Variants in CIAO3 observed in about 807,000 individuals in gnomAD.
The protein encoded by CIAO3 is cytosolic iron-sulfur assembly component 3.
Under a neutral mutation model 51.5 loss-of-function variants are expected in CIAO3, and 45 were observed. That is an observed-to-expected ratio of 0.87 (90% CI 0.69 to 1.12). The LOEUF (loss-of-function observed/expected upper bound fraction) is 1.12. CIAO3 is among the 50% of genes most tolerant of loss of function. The pLI is 0.00. For missense variants in CIAO3, 668 were observed against 632.5 expected, an observed-to-expected ratio of 1.06 and a Z score of -0.60; for synonymous variants, 314 against 269.3, an observed-to-expected ratio of 1.17 and a Z score of -1.63.
At chr16:738,881 C>T (rs943223403) in intron 2 of CIAO3, among the ~76,000 whole-genome samples, 6 of 143,694 alleles carry the variant, frequency 4.2e-5, no homozygotes, top group South Asian at 2.2e-4. Context: ...TCAGGTGATC[C>T]GCCCCCCCTA....
intron 8 of CIAO3, chr16:732,098 G>T: frequency 4.8e-6 from 3 of 619,258 alleles, no homozygotes; most frequent in African/African-American, 1.8e-5. Context: ...AGCTGGTCTC[G>T]AACTCCTGAC....
At chr16:734,150 C>T in intron 6 of CIAO3, 79 bp downstream of exon 6, 6 of 1,264,842 alleles carry the variant, frequency 4.7e-6, no homozygotes, top group Non-Finnish European at 6.9e-6. Flanking sequence ...CTGTTTCCTG[C>T]AGCCTCATGG....
At chr16:735,265 G>A (rs2041326419) in intron 4 of CIAO3, 1 of 199,912 alleles carries the variant, frequency 5.0e-6, no homozygotes, top group Non-Finnish European at 1.0e-5. Context: ...CTCGGACCCT[G>A]ACTGTGCAGA....
rs1427366328 is a variant in CIAO3 at position 737,097 on chromosome 16, CCA to C, written c.306+87_306+88del. ...GCCACCCGCACGACGGACGTCGGCA[CCA>C]CACGAGCTGCCCTTGGCAAAACGCG... is the stretch of plus-strand genomic sequence containing the variant. On this transcript the variant is annotated intron_variant, in intron 3 of 10. Transcript: ENST00000251588. The surrounding 1 kb of genome is among the most constrained non-coding windows in gnomAD (Gnocchi z 5.3). The C allele has an allele frequency of 5.7e-6, 9 of 1,568,016 alleles. No individual in the cohort carries two copies. The highest frequency in any genetic ancestry group is 7.0e-6 in the Non-Finnish European group (8 of 1,142,808).
chr16:731,755 C>A, intron 8 of CIAO3, 53 bp from the exon 9 acceptor site: 1 of 1,489,896 alleles, frequency 6.7e-7, no homozygotes, highest in Non-Finnish European at 8.9e-7. Context: ...CTGCCAACCT[C>A]CCGAGCAGGG....
At chr16:738,351 T>C in intron 2 of CIAO3, 1 of 657,674 alleles carries the variant, frequency 1.5e-6, no homozygotes, top group Non-Finnish European at 1.9e-6. Context: ...AATAGTTTCT[T>C]TTTTTTTTTT....
At chr16:734,160 G>T in intron 6 of CIAO3, 69 bp downstream of exon 6, 1 of 1,370,356 alleles carries the variant, frequency 7.3e-7, no homozygotes, top group Non-Finnish European at 1.0e-6. Flanking sequence ...CAGCCTCATG[G>T]CAAGAGGCCA....
intron 7 of CIAO3, 128 bp downstream of exon 7, chr16:733,170 G>A (rs1226508637): frequency 4.1e-6 from 5 of 1,212,390 alleles, no homozygotes; most frequent in Non-Finnish European, 5.7e-6. Flanking sequence ...GTACGTGCAC[G>A]CATGCGAGCC....
At chr16:731,521 G>C in intron 9 of CIAO3, 44 bp downstream of exon 9, 1 of 1,512,046 alleles carries the variant, frequency 6.6e-7, no homozygotes, top group Non-Finnish European at 8.9e-7. Flanking sequence ...AAGGCTGGGG[G>C]CTGTGTGGCC....
chr16:736,359 C>T lies in CIAO3; in HGVS notation c.346G>A (p.Val116Ile). Residue 116 changes from valine (V) to isoleucine (I), a missense_variant, in exon 4 of 11, where the codon GTC becomes ATC. Physicochemically the swap from Val to Ile is conservative, Grantham distance 29. Transcript: ENST00000251588. The stretch of plus-strand genomic sequence containing the variant: ...AGCGATGCTCTAGACTGTGGTGAGA[C>T]CGAAACTACAACCAGCCTCTGCTGA... ...PSQQRLVVVS[V>I]SPQSRASLAA... The T allele has an allele frequency of 6.2e-7, 1 of 1,612,990 alleles. No individual in the cohort carries two copies. The highest frequency in any genetic ancestry group is 1.3e-5 in the African/African-American group (1 of 75,010).
chr16:739,710 T>G lies in CIAO3; in HGVS notation c.95A>C (p.Lys32Thr). Residue 32 changes from lysine (K) to threonine (T), a missense_variant, in exon 2 of 11, where the codon AAA becomes ACA. Lys to Thr is a moderately conservative substitution (Grantham distance 78, BLOSUM62 -1). Coordinates refer to ENST00000251588, the MANE Select transcript of CIAO3 (RefSeq NM_022493.3). ...CTTGGCCACGCCACTTCCCGCCCTT[T>G]TTTCCACTTTGACAGGCTTGATGCA... is the stretch of plus-strand genomic sequence containing the variant. ...QECIKPVKVE[K>T]RAGSGVAKIR... is the part of the protein sequence containing the mutation. 6.2e-7 allele frequency: 1 copy of G among 1,614,076 alleles called. No individual in the cohort carries two copies. Among genetic ancestry groups the G allele is most frequent in the Admixed American group, 1.7e-5 (1 of 60,008 alleles).
intron 1 of CIAO3, chr16:740,664 C>T (rs1423006670): frequency 1.1e-5 from 6 of 531,922 alleles, no homozygotes; most frequent in East Asian, 3.5e-5. Flanking sequence ...TCCCACGCAG[C>T]CCGCCCGGAC....
intron 6 of CIAO3, 171 bp from the exon 7 acceptor site, chr16:733,598 G>C: frequency 1.0e-6 from 1 of 955,030 alleles, no homozygotes; most frequent in Non-Finnish European, 1.5e-6. Context: ...TGGACAGGAC[G>C]GGCCCTGGCT....
In CIAO3 at chr16:737,805, A is replaced by G; in HGVS notation, c.163-476T>C. The G allele has an allele frequency of 2.5e-6, 3 of 1,198,790 alleles. No homozygotes were observed. The highest frequency in any genetic ancestry group is 3.2e-6 in the Non-Finnish European group (3 of 945,774). 74.3% of individuals were successfully genotyped at this position (1,198,790 alleles called of 1,614,324 possible). On this transcript the variant is annotated intron_variant, in intron 2 of 10. Transcript: ENST00000251588. This position sits in a 1 kb window ranked among gnomAD's most constrained non-coding sequence, Gnocchi z 5.3. ...GAGCCTGGCCTCCGGTGGGCGGGGCAGAAACAACCGTCAGACTCGCCAAAC... is the reference window on the plus strand; with the variant it reads ...GAGCCTGGCCTCCGGTGGGCGGGGCGGAAACAACCGTCAGACTCGCCAAAC...
At chr16:736,048 A>G (rs1185288728) in intron 4 of CIAO3, among the ~76,000 whole-genome samples, 1 of 152,218 alleles carries the variant, frequency 6.6e-6, no homozygotes, top group Non-Finnish European at 1.5e-5. Flanking sequence ...GCTTAGAGAA[A>G]GTGCACAGTC....
At chr16:734,632 G>A (rs1163831067) in intron 5 of CIAO3, 105 bp downstream of exon 5, 2 of 1,587,184 alleles carry the variant, frequency 1.3e-6, no homozygotes, top group Non-Finnish European at 1.7e-6. Context: ...AAACCTGCTT[G>A]CGTCTCCACC....
At position 731,584 on chromosome 16, in the gene CIAO3, C is replaced by G; in HGVS notation, c.1015G>C (p.Val339Leu). ...RELFGIHVAE[V>L]TYKPLRNKDF... is the part of the protein sequence containing the mutation. ...ACTGACCTCAGGGGTTTGTAGGTAA[C>G]CTCAGCCACATGGATTCCAAAGAGC... The change falls in exon 9 of 11, where the codon GTT becomes CTT. Residue 339 changes from valine (V) to leucine (L), a missense_variant. Coordinates refer to ENST00000251588, the MANE Select transcript of CIAO3 (RefSeq NM_022493.3). 1.9e-6 allele frequency: 3 copies of G among 1,567,604 alleles called. No individual in the cohort carries two copies. The highest frequency in any genetic ancestry group is 2.6e-6 in the Non-Finnish European group (3 of 1,156,794).
intron 6 of CIAO3, 97 bp from the exon 7 acceptor site, chr16:733,524 C>A: frequency 2.6e-6 from 4 of 1,560,828 alleles, no homozygotes; most frequent in East Asian, 2.3e-5. Context: ...GGCCGGACCC[C>A]GAGGGACAGT....
intron 10 of CIAO3, 61 bp from the exon 11 acceptor site, chr16:730,716 C>A: frequency 1.3e-6 from 2 of 1,583,474 alleles, no homozygotes; most frequent in Non-Finnish European, 8.6e-7. Context: ...TTCCTGACCA[C>A]CAGGGAGCAG....
Sources: allele counts gnomAD v4.1 joint callset (sites outside exome capture counted in the v4.1 genomes callset), GRCh38; gene constraint gnomAD v4.1.1; non-coding constraint Gnocchi (gnomAD v3.1); transcripts MANE v1.5; gene names NCBI Gene and HGNC (gene_info 2026-07-23, HGNC 2026-07-21).